The following SLX4IP variants were observed in gnomAD, a reference collection of about 807,000 sequenced individuals.
SLX4IP encodes protein SLX4IP.
In SLX4IP, 34 loss-of-function variants were observed where a neutral mutation model predicts 32.9. The ratio of observed to expected loss-of-function variants is 1.03; its 90% confidence interval spans 0.79 to 1.38. SLX4IP has a LOEUF of 1.38. Ranked by LOEUF, SLX4IP falls within the 40% of genes most tolerant of loss-of-function variation. The pLI is 0.00. For missense variants in SLX4IP, 444 were observed against 479.0 expected, an observed-to-expected ratio of 0.93 and a Z score of 0.68; for synonymous variants, 172 against 171.7, an observed-to-expected ratio of 1.00 and a Z score of -0.01.
intron 4 of SLX4IP, among the ~76,000 whole-genome samples, chr20:10,565,042 A>AT (rs530830631): frequency 4.0e-5 from 6 of 149,656 alleles, no homozygotes; most frequent in Admixed American, 1.3e-4. Flanking sequence ...TTCCCTCCTA[A>AT]TTTTTTTTTT....
rs1290161331 is a variant in SLX4IP, at chr20:10,465,102, A to G, written c.27+6871A>G. 1.3e-5 allele frequency among the ~76,000 whole-genome samples: 2 copies of G among 152,194 alleles called. 1 individual carries two copies. Among genetic ancestry groups the G allele is most frequent in the African/African-American group, 4.8e-5 (2 of 41,444 alleles). On this transcript the variant is annotated intron_variant, in intron 2 of 7. Transcript: ENST00000334534. ...CTACTGCAGCTTCTAGCAGGGAGGT[A>G]TGTCCTGTACTTCAGTGAGTGACTC...
intron 2 of SLX4IP, among the ~76,000 whole-genome samples, chr20:10,486,667 G>T (rs1243811730): frequency 6.6e-6 from 1 of 152,120 alleles, no homozygotes; most frequent in Non-Finnish European, 1.5e-5. Context: ...GCTTGTTATT[G>T]TTTATATCTT....
intron 2 of SLX4IP, among the ~76,000 whole-genome samples, chr20:10,496,779 C>T (rs1007207292): frequency 1.4e-4 from 22 of 152,132 alleles, no homozygotes; most frequent in African/African-American, 5.3e-4. Flanking sequence ...GCCAGGTAGC[C>T]TTCTATAGCT....
At chr20:10,472,082 A>C (rs765603429) in intron 2 of SLX4IP, among the ~76,000 whole-genome samples, 10 of 152,160 alleles carry the variant, frequency 6.6e-5, no homozygotes, top group Non-Finnish European at 1.3e-4. Flanking sequence ...GCGTACCTCC[A>C]GAGGAGGGAA....
At chr20:10,454,171 C>T (rs531259556) in intron 1 of SLX4IP, among the ~76,000 whole-genome samples, 19 of 152,186 alleles carry the variant, frequency 1.2e-4, no homozygotes, top group African/African-American at 2.2e-4. Flanking sequence ...GTGATTCCTG[C>T]TTGTTTACTT....
intron 4 of SLX4IP, among the ~76,000 whole-genome samples, chr20:10,595,511 C>T (rs1568761142): frequency 6.6e-6 from 1 of 152,142 alleles, no homozygotes; most frequent in Non-Finnish European, 1.5e-5. Context: ...ACTTTTGGAT[C>T]CTTTGCCAAA....
chr20:10,555,359 T>C (rs1456697500), intron 2 of SLX4IP, among the ~76,000 whole-genome samples: 3 of 152,046 alleles, frequency 2.0e-5, no homozygotes, highest in Non-Finnish European at 4.4e-5. Flanking sequence ...CAGAAATTAC[T>C]TCACTCATAT....
At chr20:10,454,487 A>G (rs1038586594) in intron 1 of SLX4IP, among the ~76,000 whole-genome samples, 27 of 152,272 alleles carry the variant, frequency 1.8e-4, no homozygotes, top group African/African-American at 5.8e-4. Flanking sequence ...TGTTTTCCAG[A>G]CTAGAGATCC....
At chr20:10,476,932 A>G (rs910712333) in intron 2 of SLX4IP, among the ~76,000 whole-genome samples, 22 of 152,236 alleles carry the variant, frequency 1.4e-4, no homozygotes, top group African/African-American at 2.2e-4. Flanking sequence ...GTACTACATA[A>G]CATTAATGCT....
At position 10,435,404 on chromosome 20, in the gene SLX4IP, A is replaced by C. The variant is rs1265734287; in HGVS notation, c.-79A>C. The C allele has an allele frequency of 6.6e-6, 1 of 152,222 alleles. No homozygotes were observed. The highest frequency in any genetic ancestry group is 1.5e-5 in the Non-Finnish European group (1 of 68,072). The allele number at this position is 152,222 out of a possible 1,614,324, so 9.4% of individuals were successfully genotyped here. ...GGTACTACTCCGCCAGTGACCCTGG[A>C]CAGTAACAAAACATATAAAGCCCGA... is the stretch of plus-strand genomic sequence containing the variant. On this transcript the variant is annotated 5_prime_UTR_variant, in exon 1 of 8. Coordinates refer to ENST00000334534, the MANE Select transcript of SLX4IP (RefSeq NM_001009608.3).
chr20:10,601,738 T>C lies in SLX4IP; in HGVS notation c.324T>C (p.Cys108=). Residue 108 remains cysteine (C), a synonymous_variant, in exon 6 of 8, where the codon TGT becomes TGC. Coordinates refer to ENST00000334534, the MANE Select transcript of SLX4IP (RefSeq NM_001009608.3). ...TTTCTTCATTTTATACAGAACTCTG[T>C]GTATTCCCTGACAGATTTGTGGTTT... ...CIRSTQNAEL[C]VFPDRFVVCV... is the part of the protein sequence containing the mutation. 6.2e-7 allele frequency: 1 copy of C among 1,613,856 alleles called. No individual in the cohort carries two copies. The highest frequency in any genetic ancestry group is 1.1e-5 in the South Asian group (1 of 91,072).
At chr20:10,478,976 A>C (rs1203861574) in intron 2 of SLX4IP, among the ~76,000 whole-genome samples, 1 of 152,236 alleles carries the variant, frequency 6.6e-6, no homozygotes, top group Non-Finnish European at 1.5e-5. Context: ...TATTACCTCT[A>C]TTCAGGTAGA....
chr20:10,613,904 A>G (rs2066996570), intron 6 of SLX4IP: 2 of 1,448,014 alleles, frequency 1.4e-6, no homozygotes, highest in Admixed American at 3.3e-5. Context: ...ATATCTTTTT[A>G]AAGAGTAGCC....
intron 1 of SLX4IP, among the ~76,000 whole-genome samples, chr20:10,441,428 C>T (rs1269559311): frequency 6.6e-6 from 1 of 152,068 alleles, no homozygotes; most frequent in Non-Finnish European, 1.5e-5. Flanking sequence ...CAGACCGAGA[C>T]CCTGTCTCTA....
chr20:10,492,244 T>C (rs1005823832), intron 2 of SLX4IP, among the ~76,000 whole-genome samples: 6 of 152,204 alleles, frequency 3.9e-5, no homozygotes, highest in East Asian at 1.9e-4. Context: ...GGATGTGTCC[T>C]GGAGTGGGAT....
At chr20:10,568,601 A>T (rs563799925) in intron 4 of SLX4IP, among the ~76,000 whole-genome samples, 129 of 152,338 alleles carry the variant, frequency 8.5e-4, no homozygotes, top group African/African-American at 2.9e-3. Flanking sequence ...ATGCTCATGG[A>T]TGTTTCAGGT....
chr20:10,623,394 G>C lies in SLX4IP; in HGVS notation c.*15G>C. 1.3e-6 allele frequency: 2 copies of C among 1,593,964 alleles called. No individual in the cohort carries two copies. The highest frequency in any genetic ancestry group is 1.7e-6 in the Non-Finnish European group (2 of 1,170,880). ...GAGGCCATTAACACCGAAGAGGTTT[G>C]TACCGTTGGAGTTGAGGACATAGTG... On this transcript the variant is annotated 3_prime_UTR_variant, in exon 8 of 8. Coordinates refer to ENST00000334534, the MANE Select transcript of SLX4IP (RefSeq NM_001009608.3).
intron 4 of SLX4IP, among the ~76,000 whole-genome samples, chr20:10,575,035 A>G (rs1379320016): frequency 6.6e-6 from 1 of 152,030 alleles, no homozygotes; most frequent in Non-Finnish European, 1.5e-5. Flanking sequence ...CATTAGCTCC[A>G]TGAAGACTGA....
At chr20:10,583,091 A>G (rs2066603482) in intron 4 of SLX4IP, among the ~76,000 whole-genome samples, 3 of 152,206 alleles carry the variant, frequency 2.0e-5, no homozygotes, top group Admixed American at 1.3e-4. Context: ...ATCTGTTGCC[A>G]GCATCCCAGT....
Sources: gnomAD v4.1 joint callset for allele counts (sites outside exome capture counted in the v4.1 genomes callset) on GRCh38, gnomAD v4.1.1 for gene constraint, MANE v1.5 for transcripts, NCBI Gene and HGNC (gene_info 2026-07-23, HGNC 2026-07-21) for gene names.